The following BCORL1 variants were observed in gnomAD, a reference collection of about 807,000 sequenced individuals.
BCORL1 encodes BCL6 corepressor like 1.
BCORL1 carries 7 observed loss-of-function variants against 87.6 expected under a neutral mutation model. The observed-to-expected ratio is 0.08, with a 90% CI of 0.05 to 0.15. The LOEUF is 0.15. Among genes scored for constraint, BCORL1 ranks in the 10% least tolerant of loss-of-function variants. The pLI is 1.00. For synonymous variants in BCORL1, 591 were observed against 634.4 expected, an observed-to-expected ratio of 0.93 and a Z score of 1.03; for missense variants, 1,215 against 1,499.7, an observed-to-expected ratio of 0.81 and a Z score of 3.13.
chrX:130,042,949 G>A (rs1026520819), intron 11 of BCORL1, among the ~76,000 whole-genome samples: 4 of 107,742 alleles, frequency 3.7e-5, no homozygotes, highest in Non-Finnish European at 3.8e-5. Flanking sequence ...CTCCAGCCTG[G>A]GCGACAGAGC....
chrX:130,041,871 C>T (rs1425277848), intron 11 of BCORL1, among the ~76,000 whole-genome samples: 1 of 111,964 alleles, frequency 8.9e-6, no homozygotes, highest in African/African-American at 3.2e-5. Flanking sequence ...TCGTGATCCG[C>T]CCGCCTCGGC....
chrX:130,005,961 G>A (rs1928458942), intron 2 of BCORL1, among the ~76,000 whole-genome samples: 1 of 111,022 alleles, frequency 9.0e-6, no homozygotes, highest in African/African-American at 3.3e-5. Flanking sequence ...CTGCATCAAA[G>A]TTTGGTGCTC....
In BCORL1 at chrX:130,016,717, G is replaced by A. The variant is rs1394331977; in HGVS notation, c.3441+504G>A. On this transcript the variant is annotated intron_variant, in intron 4 of 13. Coordinates refer to ENST00000540052, the MANE Select transcript of BCORL1 (RefSeq NM_001379451.1). ...AGCCTTGTGGGGTCAGAGCCAATTT[G>A]GCTTCTGTGCTAATCAGTTTCCTAC... Among the ~76,000 whole-genome samples the A allele has an allele frequency of 2.7e-5, 3 of 111,679 alleles. No individual in the cohort carries two copies. In the South Asian group the frequency reaches 1.1e-3, roughly 42 times the overall value.
intron 9 of BCORL1, among the ~76,000 whole-genome samples, chrX:130,035,080 C>T (rs757192104): frequency 9.9e-5 from 11 of 111,254 alleles, no homozygotes; most frequent in East Asian, 8.4e-4. Flanking sequence ...GTTTGAGGGG[C>T]GAGGCTGAGC....
rs192149191 is a variant in BCORL1 at position 130,024,930 on chromosome X, G to A, written c.3689-60G>A. On this transcript the variant is annotated intron_variant, in intron 6 of 13. Coordinates refer to ENST00000540052, the MANE Select transcript of BCORL1 (RefSeq NM_001379451.1). ...ACTCCTAGTCCAGGGCATTCACTTCGACACCATGCTTTGTCCTTTGAAGAA... is the reference window on the plus strand; with the variant it reads ...ACTCCTAGTCCAGGGCATTCACTTCAACACCATGCTTTGTCCTTTGAAGAA... 3.9e-5 allele frequency: 46 copies of A among 1,167,219 alleles called. No homozygotes were observed. In the Admixed American group the frequency reaches 4.5e-4, roughly 11 times the overall value.
rs1007975815 is a variant in BCORL1, at chrX:130,052,740, A to T, written c.5075+724A>T. Among the ~76,000 whole-genome samples, 3 of 112,696 alleles carry T rather than the reference A, an allele frequency of 2.7e-5. No homozygotes were observed. The Admixed American group carries it at 2.8e-4, about 11-fold the overall frequency. Reference sequence around the variant, plus strand: ...AACTGCCCTTTTATTCTTAGCCTCCATGATTTTTTCCCTCTGATTGGTGTC... The same window carrying T: ...AACTGCCCTTTTATTCTTAGCCTCCTTGATTTTTTCCCTCTGATTGGTGTC... On this transcript the variant is annotated intron_variant, in intron 13 of 13. Transcript: ENST00000540052.
intron 1 of BCORL1, among the ~76,000 whole-genome samples, chrX:129,989,302 A>ATT (rs34124916): frequency 0.011 from 814 of 71,694 alleles, 23 homozygotes; most frequent in African/African-American, 0.028. Flanking sequence ...TGCCCGGCTA[A>ATT]TTTTTTTTTT....
chrX:130,021,856 C>G (rs759629720), intron 5 of BCORL1, among the ~76,000 whole-genome samples: 1 of 111,160 alleles, frequency 9.0e-6, no homozygotes, highest in East Asian at 2.8e-4. Flanking sequence ...GGCACAATAT[C>G]GGTTCACTGC....
chrX:129,983,426 T>TG (rs371853979), intron 1 of BCORL1, among the ~76,000 whole-genome samples: 1,014 of 37,147 alleles, frequency 0.027, 14 homozygotes, highest in South Asian at 0.062. Context: ...GGCTTTTTTT[T>TG]GGGGGGGGGG....
Position 130,039,620 on chromosome X carries a change from C to T in BCORL1, c.4840+338C>T, listed in dbSNP as rs749142941. 7.1e-5 allele frequency among the ~76,000 whole-genome samples: 8 copies of T among 113,128 alleles called. No individual in the cohort carries two copies. The South Asian group carries it at 2.9e-3, about 40-fold the overall frequency. On this transcript the variant is annotated intron_variant, in intron 11 of 13. Transcript: ENST00000540052. ...CTAGCTGGGGGCAGAATGTGTTGACCTGTGCTTTGAATGGGATGTCAGTTG... is the reference window on the plus strand; with the variant it reads ...CTAGCTGGGGGCAGAATGTGTTGACTTGTGCTTTGAATGGGATGTCAGTTG...
chrX:130,056,241 A>C lies in BCORL1; in HGVS notation c.*105A>C. 1.1e-6 allele frequency: 1 copy of C among 879,316 alleles called. No individual in the cohort carries two copies. Among genetic ancestry groups the C allele is most frequent in the Non-Finnish European group, 1.5e-6 (1 of 652,355 alleles). The allele number at this position is 879,316 out of a possible 1,213,427, so 72.5% of individuals were successfully genotyped here. ...CCAGACTGCAGAATGAGGCAATAAT[A>C]CGGACCAACAAGAAGCCGCCTTATC... On this transcript the variant is annotated 3_prime_UTR_variant, in exon 14 of 14. Transcript: ENST00000540052.
At chrX:130,048,474 A>G (rs1185459754) in intron 11 of BCORL1, among the ~76,000 whole-genome samples, 3 of 111,903 alleles carry the variant, frequency 2.7e-5, no homozygotes, top group African/African-American at 9.7e-5. Flanking sequence ...TAGATGGTAC[A>G]GTTGGATTTG....
At chrX:130,039,049 G>C in intron 10 of BCORL1, 88 bp from the exon 11 acceptor site, 1 of 1,089,017 alleles carries the variant, frequency 9.2e-7, no homozygotes. Flanking sequence ...GGTCAGCTCA[G>C]TTTTTTCCCC....
At chrX:130,024,597 TCCTGC>T (rs974908229) in intron 6 of BCORL1, among the ~76,000 whole-genome samples, 2 of 111,134 alleles carry the variant, frequency 1.8e-5, no homozygotes, top group African/African-American at 6.6e-5. Flanking sequence ...CGTGGCCCTC[TCCTGC>T]CCTTCACAAA....
In BCORL1 at chrX:130,025,053, C is replaced by T. The variant is rs201538315; in HGVS notation, c.3752C>T (p.Pro1251Leu). The stretch of plus-strand genomic sequence containing the variant: ...GACATGGGAAGCCAGGAAGTCTTCC[C>T]CACAGAAGAAGAAGAGGAGGTAACC... Reference protein sequence around the residue: ...DSDMGSQEVFPTEEEEEVTPT... With the variant: ...DSDMGSQEVFLTEEEEEVTPT... Residue 1251 changes from proline (P) to leucine (L), a missense_variant, in exon 7 of 14, where the codon CCC (proline) becomes CTC (leucine). This residue lies in a region of BCORL1 where 166 missense variants were observed against 196.5 expected (regional missense o/e 0.84). Transcript: ENST00000540052. The T allele has an allele frequency of 1.7e-6, 2 of 1,211,864 alleles. No individual in the cohort carries two copies. Among genetic ancestry groups the T allele is most frequent in the Admixed American group, 2.2e-5 (1 of 46,029 alleles).
chrX:130,031,123 C>T (rs889917249), intron 8 of BCORL1, among the ~76,000 whole-genome samples: 1 of 113,227 alleles, frequency 8.8e-6, no homozygotes, highest in African/African-American at 3.2e-5. Flanking sequence ...CTGCTGCTCT[C>T]TGGCAGCTTT....
rs200709131 is a variant in BCORL1, at chrX:130,029,650, T to C, written c.4305+789T>C. Among the ~76,000 whole-genome samples, 101 of 105,091 alleles carry C rather than the reference T, an allele frequency of 9.6e-4. No individual in the cohort carries two copies. In the East Asian group the frequency reaches 0.029, roughly 30 times the overall value. 91.3% of individuals were successfully genotyped at this position (105,091 alleles called of 115,157 possible). A position where few individuals can be genotyped will look rare whatever the true frequency, so the allele number is the denominator to read the frequency against. ...TGGTCGTGATTCTTATTTTTTTTTT[T>C]CTCTCTCTCTCTCTCTCTTTTTGAG... is the stretch of plus-strand genomic sequence containing the variant. On this transcript the variant is annotated intron_variant, in intron 8 of 13. Transcript: ENST00000540052.
intron 1 of BCORL1, among the ~76,000 whole-genome samples, chrX:129,987,176 C>G (rs765540547): frequency 9.8e-5 from 11 of 111,726 alleles, no homozygotes; most frequent in Non-Finnish European, 1.9e-4. Context: ...GCTGGAATCA[C>G]TAAGGTTGGG....
chrX:130,029,030 A>T (rs1271156930), intron 8 of BCORL1, among the ~76,000 whole-genome samples, 169 bp downstream of exon 8: 1 of 111,501 alleles, frequency 9.0e-6, no homozygotes, highest in Admixed American at 9.6e-5. Flanking sequence ...AACTAAAGTT[A>T]TAGTTAATTT....
Sources: allele counts gnomAD v4.1 joint callset (sites outside exome capture counted in the v4.1 genomes callset), GRCh38; gene constraint gnomAD v4.1.1; regional missense constraint gnomAD v4.1.1; transcripts MANE v1.5; gene names NCBI Gene and HGNC (gene_info 2026-07-23, HGNC 2026-07-21).